The following CNTN4 variants were observed in gnomAD, a reference collection of about 807,000 sequenced individuals.
CNTN4 encodes the protein contactin 4, also known as contactin-4.
In CNTN4, 77 loss-of-function variants were observed where a neutral mutation model predicts 122.5. The observed-to-expected ratio is 0.63, with a 90% CI of 0.52 to 0.76. CNTN4 has a LOEUF of 0.76. Among genes scored for constraint, CNTN4 ranks in the 30% least tolerant of loss-of-function variants. The pLI is 0.00. For missense variants in CNTN4, 1,256 were observed against 1,259.1 expected (o/e 1.00, Z 0.04); for synonymous variants, 512 against 447.0 (o/e 1.15, Z -1.83).
At chr3:2,291,920 G>A (rs918294847) in intron 2 of CNTN4, among the ~76,000 whole-genome samples, 1 of 152,022 alleles carries the variant, frequency 6.6e-6, no homozygotes, top group Middle Eastern at 3.2e-3. Context: ...GTTATTAGTG[G>A]AGATGGGGTT....
At chr3:2,590,666 T>C (rs1469428132) in intron 4 of CNTN4, among the ~76,000 whole-genome samples, 1 of 152,048 alleles carries the variant, frequency 6.6e-6, no homozygotes, top group East Asian at 1.9e-4. Flanking sequence ...AATCTTCTTT[T>C]CCATTACTAA....
At chr3:2,379,820 C>T (rs1461992643) in intron 3 of CNTN4, among the ~76,000 whole-genome samples, 2 of 151,896 alleles carry the variant, frequency 1.3e-5, no homozygotes, top group Admixed American at 6.6e-5. Context: ...TTTTGGAGGC[C>T]GAGGTGGGCG....
chr3:2,792,115 A>G (rs890700635), intron 6 of CNTN4, among the ~76,000 whole-genome samples: 1 of 152,182 alleles, frequency 6.6e-6, no homozygotes, highest in Non-Finnish European at 1.5e-5. Context: ...AACCTTATTT[A>G]TATCTGCCTA....
At chr3:2,678,336 A>G (rs1269059849) in intron 4 of CNTN4, among the ~76,000 whole-genome samples, 2 of 152,086 alleles carry the variant, frequency 1.3e-5, no homozygotes, top group Non-Finnish European at 2.9e-5. Context: ...GGTCATGTTT[A>G]TATTTATCCT....
In CNTN4 at chr3:3,003,712, A is replaced by C. The variant is rs983798800; in HGVS notation, c.1486+15240A>C. Among the ~76,000 whole-genome samples, 39 of 148,450 alleles carry C rather than the reference A, an allele frequency of 2.6e-4. 1 individual carries two copies. The highest frequency in any genetic ancestry group is 4.8e-4 in the African/African-American group (19 of 39,598). On this transcript the variant is annotated intron_variant, in intron 14 of 24. Coordinates refer to ENST00000418658, the MANE Select transcript of CNTN4 (RefSeq NM_175607.3). ...AAAAAAAAAAAAAAAAAAAAAAAAAAAACAAAAAAACCCCACTGAATTGTA... is the reference window on the plus strand; with the variant it reads ...AAAAAAAAAAAAAAAAAAAAAAAAACAACAAAAAAACCCCACTGAATTGTA...
At chr3:2,963,336 T>C (rs759807409) in intron 13 of CNTN4, among the ~76,000 whole-genome samples, 5 of 152,162 alleles carry the variant, frequency 3.3e-5, no homozygotes, top group Non-Finnish European at 7.4e-5. Flanking sequence ...CACTTTTCCT[T>C]TACAGTACCT....
At chr3:2,911,744 G>T (rs1213345070) in intron 12 of CNTN4, among the ~76,000 whole-genome samples, 1 of 151,978 alleles carries the variant, frequency 6.6e-6, no homozygotes, top group Non-Finnish European at 1.5e-5. Flanking sequence ...ATGAAAATGA[G>T]CCCAAAGAAA....
chr3:2,162,443 T>A (rs1393371325), intron 2 of CNTN4, among the ~76,000 whole-genome samples: 4 of 152,224 alleles, frequency 2.6e-5, no homozygotes, highest in South Asian at 4.1e-4. Flanking sequence ...TTTGAGATCT[T>A]TATTTCTCCC....
At chr3:2,510,019 A>C (rs530032856) in intron 3 of CNTN4, among the ~76,000 whole-genome samples, 9 of 152,238 alleles carry the variant, frequency 5.9e-5, no homozygotes, top group Non-Finnish European at 1.2e-4. Context: ...TTCCTGCCCA[A>C]GCTGTCTTTT....
At chr3:2,441,175 G>A (rs993221056) in intron 3 of CNTN4, among the ~76,000 whole-genome samples, 1 of 151,984 alleles carries the variant, frequency 6.6e-6, no homozygotes, top group Non-Finnish European at 1.5e-5. Flanking sequence ...AAAATGAGTT[G>A]CTGCATTTTA....
chr3:2,180,867 T>C (rs35395656), intron 2 of CNTN4, among the ~76,000 whole-genome samples: 46,604 of 151,952 alleles, frequency 0.31, 7,743 homozygotes, highest in East Asian at 0.46. Flanking sequence ...TGACAGAGTC[T>C]GTAAGACAAT....
rs1333919630 is a variant in CNTN4 at position 2,098,925 on chromosome 3, A to C, written c.-280A>C. 1 of 152,192 alleles carries C rather than the reference A, an allele frequency of 6.6e-6. No individual in the cohort carries two copies. The highest frequency in any genetic ancestry group is 2.4e-5 in the African/African-American group (1 of 41,444). 9.4% of individuals were successfully genotyped at this position (152,192 alleles called of 1,614,324 possible). A position where few individuals can be genotyped will look rare whatever the true frequency, so the allele number is the denominator to read the frequency against. ...TTCGCCGCCGCCCCGGGCCCCTCGG[A>C]CTGTGCCGGCGCCGCACCCGAGGCT... On this transcript the variant is annotated 5_prime_UTR_variant, in exon 1 of 25. Transcript: ENST00000418658.
intron 4 of CNTN4, among the ~76,000 whole-genome samples, chr3:2,706,244 T>G (rs1189861004): frequency 6.6e-6 from 1 of 151,980 alleles, no homozygotes; most frequent in East Asian, 1.9e-4. Flanking sequence ...TATTTTGTGT[T>G]AATACATTCT....
At chr3:2,157,854 G>A (rs1326797608) in intron 2 of CNTN4, among the ~76,000 whole-genome samples, 1 of 152,088 alleles carries the variant, frequency 6.6e-6, no homozygotes, top group Non-Finnish European at 1.5e-5. Context: ...TTCACACATA[G>A]CTATCAAATA....
intron 2 of CNTN4, among the ~76,000 whole-genome samples, chr3:2,240,888 C>A (rs1341140441): frequency 6.6e-6 from 1 of 152,042 alleles, no homozygotes; most frequent in African/African-American, 2.4e-5. Context: ...ACAGGCATTA[C>A]AGTTTGAAAT....
intron 2 of CNTN4, among the ~76,000 whole-genome samples, chr3:2,320,676 C>T (rs866960131): frequency 1.3e-5 from 2 of 152,108 alleles, no homozygotes; most frequent in African/African-American, 4.8e-5. Flanking sequence ...TCATTTTTGG[C>T]TGCCATAAAT....
intron 7 of CNTN4, among the ~76,000 whole-genome samples, chr3:2,821,746 T>C (rs891045930): frequency 2.0e-5 from 3 of 152,182 alleles, no homozygotes; most frequent in African/African-American, 7.2e-5. Context: ...TTATTAGGAT[T>C]CCACTAAGGT....
At chr3:2,184,932 T>C (rs974132709) in intron 2 of CNTN4, among the ~76,000 whole-genome samples, 39 of 152,280 alleles carry the variant, frequency 2.6e-4, no homozygotes, top group African/African-American at 8.7e-4. Flanking sequence ...GTCCTCAAAA[T>C]CTTTGTGAAG....
chr3:2,646,551 T>C (rs1035587834), intron 4 of CNTN4, among the ~76,000 whole-genome samples: 1 of 152,210 alleles, frequency 6.6e-6, no homozygotes, highest in Non-Finnish European at 1.5e-5. Context: ...TGGCTATCAT[T>C]GTTACCATGT....
Sources: gnomAD v4.1 joint callset for allele counts (sites outside exome capture counted in the v4.1 genomes callset) on GRCh38, gnomAD v4.1.1 for gene constraint, MANE v1.5 for transcripts, NCBI Gene and HGNC (gene_info 2026-07-23, HGNC 2026-07-21) for gene names.